Variants in DPP10 observed in about 807,000 individuals in gnomAD.
DPP10 encodes the protein inactive dipeptidyl peptidase 10.
Under a neutral mutation model 120.9 loss-of-function variants are expected in DPP10, and 33 were observed. The ratio of observed to expected loss-of-function variants is 0.27; its 90% CI spans 0.21 to 0.37. DPP10 has a LOEUF of 0.37. Ranked by LOEUF, DPP10 falls within the 10% of genes least tolerant of loss-of-function variation. DPP10 has a pLI of 1.00. For synonymous variants in DPP10, 337 were observed against 326.1 expected (o/e 1.03, Z -0.36); for missense variants, 816 against 942.8 (o/e 0.87, Z 1.76).
chr2:115,451,558 G>A (rs1479856238), intron 3 of DPP10, among the ~76,000 whole-genome samples: 1 of 151,826 alleles, frequency 6.6e-6, no homozygotes, highest in Admixed American at 6.6e-5. Flanking sequence ...TACTATATTT[G>A]ATAGAAGTCA....
At chr2:115,018,006 A>T (rs1437252277) in intron 1 of DPP10, among the ~76,000 whole-genome samples, 1 of 141,622 alleles carries the variant, frequency 7.1e-6, no homozygotes, top group Non-Finnish European at 1.6e-5. Context: ...GTATAATAAT[A>T]AAAAAAAAAA....
intron 1 of DPP10, among the ~76,000 whole-genome samples, chr2:115,026,295 A>G (rs538377921): frequency 6.6e-6 from 1 of 151,994 alleles, no homozygotes; most frequent in African/African-American, 2.4e-5. Flanking sequence ...TCTTTTCCTT[A>G]TTGTATGTTC....
At chr2:115,690,895 T>A (rs1203732659) in intron 7 of DPP10, among the ~76,000 whole-genome samples, 2 of 152,168 alleles carry the variant, frequency 1.3e-5, no homozygotes, top group Admixed American at 6.5e-5. Flanking sequence ...AATGAGAGCG[T>A]TCCCTTGGTT....
intron 1 of DPP10, among the ~76,000 whole-genome samples, chr2:114,820,810 G>A (rs1339703885): frequency 6.6e-6 from 1 of 152,220 alleles, no homozygotes; most frequent in Non-Finnish European, 1.5e-5. Flanking sequence ...AACTGGCGAT[G>A]AGATTTGGGT....
chr2:114,726,417 T>C (rs1460644594), intron 1 of DPP10, among the ~76,000 whole-genome samples: 1 of 152,162 alleles, frequency 6.6e-6, no homozygotes, highest in Non-Finnish European at 1.5e-5. Context: ...TTCACACTTT[T>C]ATTCGTTGTG....
At chr2:114,801,761 G>A (rs918148552) in intron 1 of DPP10, among the ~76,000 whole-genome samples, 1 of 152,178 alleles carries the variant, frequency 6.6e-6, no homozygotes, top group African/African-American at 2.4e-5. Flanking sequence ...TTAGAGTCTT[G>A]CCAATTATTC....
At chr2:115,144,677 C>T (rs1316896665) in intron 1 of DPP10, among the ~76,000 whole-genome samples, 1 of 63,148 alleles carries the variant, frequency 1.6e-5, no homozygotes, top group Admixed American at 2.6e-4. Context: ...GGGTGGGGGG[C>T]GGGGGGAGGG....
At chr2:115,560,680 TC>T (rs2080591009) in intron 5 of DPP10, among the ~76,000 whole-genome samples, 1 of 151,228 alleles carries the variant, frequency 6.6e-6, no homozygotes, top group South Asian at 2.1e-4. Flanking sequence ...AGTGGCACTA[TC>T]ATGGCTCACA....
intron 1 of DPP10, among the ~76,000 whole-genome samples, chr2:114,770,859 A>C (rs1681186396): frequency 6.6e-6 from 1 of 152,164 alleles, no homozygotes. Context: ...CATATACTCA[A>C]AATTTTTGAA....
intron 1 of DPP10, among the ~76,000 whole-genome samples, chr2:114,571,844 T>C (rs982580114): frequency 7.3e-6 from 1 of 137,800 alleles, no homozygotes; most frequent in African/African-American, 3.3e-5. Flanking sequence ...GTATATAATA[T>C]TTATACTACA....
chr2:114,494,119 A>AAAAAAC (rs1553450334), intron 1 of DPP10, among the ~76,000 whole-genome samples: 1 of 139,726 alleles, frequency 7.2e-6, no homozygotes, highest in African/African-American at 2.5e-5. Flanking sequence ...AAAAAAAAAA[A>AAAAAAC]AACCCAGCAA....
At chr2:114,460,806 TA>T (rs1402421661) in intron 1 of DPP10, among the ~76,000 whole-genome samples, 1 of 152,184 alleles carries the variant, frequency 6.6e-6, no homozygotes, top group Admixed American at 6.6e-5. Context: ...AATTAGAGAT[TA>T]TGTTTTTCTC....
chr2:115,565,993 G>A (rs1205504264), intron 5 of DPP10, among the ~76,000 whole-genome samples: 1 of 151,846 alleles, frequency 6.6e-6, no homozygotes, highest in Non-Finnish European at 1.5e-5. Context: ...CACCATGTTG[G>A]CCAGGCTGGT....
chr2:115,443,174 T>C (rs557901992), intron 3 of DPP10, among the ~76,000 whole-genome samples: 5 of 152,302 alleles, frequency 3.3e-5, no homozygotes, highest in African/African-American at 1.2e-4. Flanking sequence ...CAATCATGTG[T>C]ACAAATATTT....
chr2:114,732,330 G>A (rs779464609), intron 1 of DPP10, among the ~76,000 whole-genome samples: 12 of 152,158 alleles, frequency 7.9e-5, no homozygotes, highest in African/African-American at 1.2e-4. Flanking sequence ...GGATGCCAGC[G>A]CATAAGAGGG....
chr2:115,293,670 C>T lies in DPP10; in HGVS notation c.61-15569C>T, dbSNP rs57316966. Reference sequence around the variant, plus strand: ...CATAGAGCTTCGTTACAGTAATGTACCCTGTAAGTGGAAAGACAGGCAGTA... The same window carrying T: ...CATAGAGCTTCGTTACAGTAATGTATCCTGTAAGTGGAAAGACAGGCAGTA... On this transcript the variant is annotated intron_variant, in intron 1 of 25. Coordinates refer to ENST00000410059, the MANE Select transcript of DPP10 (RefSeq NM_020868.6). Among the ~76,000 whole-genome samples, 109 of 151,834 alleles carry T rather than the reference C, an allele frequency of 7.2e-4. 2 individuals carry two copies. The East Asian group carries it at 0.016, about 22-fold the overall frequency.
intron 21 of DPP10, among the ~76,000 whole-genome samples, chr2:115,834,784 C>T (rs903353474): frequency 9.2e-5 from 14 of 152,106 alleles, no homozygotes; most frequent in African/African-American, 3.4e-4. Flanking sequence ...CAACAAAAGG[C>T]AGATTAACAG....
intron 3 of DPP10, among the ~76,000 whole-genome samples, chr2:115,351,043 A>G (rs1317983829): frequency 6.6e-6 from 1 of 152,060 alleles, no homozygotes; most frequent in African/African-American, 2.4e-5. Context: ...AGGAAAATAA[A>G]CTTTCTACCA....
chr2:115,374,306 G>A (rs1018334550), intron 3 of DPP10, among the ~76,000 whole-genome samples: 3 of 152,100 alleles, frequency 2.0e-5, no homozygotes, highest in African/African-American at 7.2e-5. Context: ...AGGAGACATG[G>A]ATCTCCTTTG....
Sources: allele counts gnomAD v4.1 joint callset (sites outside exome capture counted in the v4.1 genomes callset), GRCh38; gene constraint gnomAD v4.1.1; transcripts MANE v1.5; gene names NCBI Gene and HGNC (gene_info 2026-07-23, HGNC 2026-07-21).